Variants in ATG5 observed in about 807,000 individuals in gnomAD.
The protein encoded by ATG5 is autophagy protein 5.
A neutral mutation model predicts 36.5 loss-of-function variants in ATG5; 14 were observed. That is an observed-to-expected ratio of 0.38 (90% confidence interval 0.25 to 0.60). The LOEUF (loss-of-function observed/expected upper bound fraction) is 0.60. Ranked by LOEUF, ATG5 falls within the 20% of genes least tolerant of loss-of-function variation. The pLI, the probability that ATG5 is intolerant of heterozygous loss-of-function variation, is 0.60. For missense variants in ATG5, 195 were observed against 326.7 expected, an observed-to-expected ratio of 0.60 and a Z score of 3.11; for synonymous variants, 95 against 101.5, an observed-to-expected ratio of 0.94 and a Z score of 0.38.
chr6:106,259,520 G>A (rs1350185366), intron 5 of ATG5, among the ~76,000 whole-genome samples: 1 of 152,164 alleles, frequency 6.6e-6, no homozygotes, highest in Non-Finnish European at 1.5e-5. Flanking sequence ...AGAATGAGCT[G>A]TATTATAATT....
At chr6:106,201,354 T>C (rs980405474) in intron 7 of ATG5, among the ~76,000 whole-genome samples, 1 of 152,060 alleles carries the variant, frequency 6.6e-6, no homozygotes, top group African/African-American at 2.4e-5. Flanking sequence ...AGTTTTATTG[T>C]TTTCTGCATT....
chr6:106,186,750 G>A, intron 7 of ATG5, 74 bp from the exon 8 acceptor site: 2 of 1,522,940 alleles, frequency 1.3e-6, no homozygotes, highest in Non-Finnish European at 1.8e-6. Flanking sequence ...TGCCTTTTGA[G>A]AATCCTTAGT....
At chr6:106,251,713 AAGAAAGAAAGAGAAAG>A (rs1276727647) in intron 5 of ATG5, among the ~76,000 whole-genome samples, 3 of 136,508 alleles carry the variant, frequency 2.2e-5, no homozygotes, top group Non-Finnish European at 3.2e-5. Flanking sequence ...GAGAAAAAGA[AAGAAAGAAAGAGAAAG>A]AGAAAGAAAG....
chr6:106,308,305 T>C, intron 3 of ATG5, 59 bp downstream of exon 3: 8 of 1,405,800 alleles, frequency 5.7e-6, no homozygotes, highest in Non-Finnish European at 7.5e-6. Flanking sequence ...TTCAGGGCAC[T>C]ATACCTTTTT....
At chr6:106,262,173 A>C (rs773611405) in intron 5 of ATG5, among the ~76,000 whole-genome samples, 3 of 152,164 alleles carry the variant, frequency 2.0e-5, no homozygotes, top group Non-Finnish European at 4.4e-5. Flanking sequence ...CCCAGGTTCA[A>C]GTGATTCTCC....
At chr6:106,218,490 G>A (rs1343009738) in intron 6 of ATG5, among the ~76,000 whole-genome samples, 1 of 152,186 alleles carries the variant, frequency 6.6e-6, no homozygotes, top group African/African-American at 2.4e-5. Flanking sequence ...AGAAAGGCAT[G>A]TAGGTAAAAA....
chr6:106,279,694 C>G lies in ATG5; in HGVS notation c.445G>C (p.Asp149His), dbSNP rs1294150609. Residue 149 changes from aspartate (D) to histidine (H), a missense_variant, in exon 5 of 8, where the codon GAT (aspartate) becomes CAT (histidine). Physicochemically the swap from Asp to His is moderately conservative, Grantham distance 81 (BLOSUM62 -1). Coordinates refer to ENST00000369076, the MANE Select transcript of ATG5 (RefSeq NM_004849.4). ...SQVINEMQKK[D>H]HKQLWMGLQN... The stretch of plus-strand genomic sequence containing the variant: ...AATCCCATCCAGAGTTGCTTGTGAT[C>G]TTTTTTCTGCATTTCATTGATTACT... 2.5e-6 allele frequency: 4 copies of G among 1,601,996 alleles called. No individual in the cohort carries two copies. The highest frequency in any genetic ancestry group is 3.4e-6 in the Non-Finnish European group (4 of 1,174,952).
intron 7 of ATG5, among the ~76,000 whole-genome samples, chr6:106,193,248 C>T (rs971763822): frequency 2.6e-5 from 4 of 152,224 alleles, no homozygotes; most frequent in Middle Eastern, 3.4e-3. Context: ...TAACTTCTTC[C>T]GGATGCATAC....
intron 6 of ATG5, among the ~76,000 whole-genome samples, chr6:106,211,975 TTAAGTG>T (rs1490569828): frequency 6.6e-6 from 1 of 152,254 alleles, no homozygotes; most frequent in Non-Finnish European, 1.5e-5. Context: ...CAAGGGTTGC[TTAAGTG>T]TATCACAGGA....
intron 4 of ATG5, among the ~76,000 whole-genome samples, chr6:106,287,737 C>T (rs1034770823): frequency 7.2e-5 from 11 of 152,240 alleles, no homozygotes; most frequent in African/African-American, 2.6e-4. Flanking sequence ...CACATTAACT[C>T]CTTTTTTAAA....
At chr6:106,224,868 C>T (rs966149923) in intron 6 of ATG5, among the ~76,000 whole-genome samples, 11 of 152,096 alleles carry the variant, frequency 7.2e-5, no homozygotes, top group African/African-American at 2.4e-4. Flanking sequence ...GCAAAAAGAG[C>T]GAAACTCTTG....
intron 6 of ATG5, among the ~76,000 whole-genome samples, chr6:106,239,230 G>C (rs1187599644): frequency 2.0e-5 from 3 of 151,070 alleles, no homozygotes; most frequent in Non-Finnish European, 4.4e-5. Flanking sequence ...TAAATAACTA[G>C]AAATGGAAAC....
intron 6 of ATG5, among the ~76,000 whole-genome samples, chr6:106,210,148 T>G (rs535624294): frequency 3.3e-5 from 5 of 152,248 alleles, no homozygotes; most frequent in African/African-American, 7.2e-5. Flanking sequence ...ACAGTGACTC[T>G]CAACACAAAT....
At chr6:106,219,876 G>C (rs976197347) in intron 6 of ATG5, among the ~76,000 whole-genome samples, 1 of 152,018 alleles carries the variant, frequency 6.6e-6, no homozygotes, top group Non-Finnish European at 1.5e-5. Context: ...ACTCAAATAC[G>C]GTTTCCAAAT....
chr6:106,265,706 C>T (rs78549216), intron 5 of ATG5, among the ~76,000 whole-genome samples: 3,701 of 152,240 alleles, frequency 0.024, 65 homozygotes, highest in African/African-American at 0.049. Flanking sequence ...GAAACTAACT[C>T]AAAACTGTAC....
intron 4 of ATG5, among the ~76,000 whole-genome samples, chr6:106,287,473 A>G (rs1780124520): frequency 2.0e-5 from 3 of 152,212 alleles, no homozygotes; most frequent in Non-Finnish European, 4.4e-5. Context: ...ACTTATCTGA[A>G]TGTTGATCTT....
At chr6:106,278,995 G>A (rs1779770311) in intron 5 of ATG5, among the ~76,000 whole-genome samples, 1 of 152,150 alleles carries the variant, frequency 6.6e-6, no homozygotes, top group East Asian at 1.9e-4. Flanking sequence ...ATACAGTTGG[G>A]GACCTGGTGT....
intron 6 of ATG5, among the ~76,000 whole-genome samples, chr6:106,203,035 T>C (rs1397662398): frequency 6.6e-6 from 1 of 152,148 alleles, no homozygotes; most frequent in Non-Finnish European, 1.5e-5. Flanking sequence ...AGAATGTGTG[T>C]GTGTGTGAAG....
chr6:106,320,021 A>G (rs1281474745), intron 1 of ATG5, among the ~76,000 whole-genome samples: 2 of 152,286 alleles, frequency 1.3e-5, no homozygotes, highest in Non-Finnish European at 2.9e-5. Context: ...ATTACCTCAC[A>G]TGTGATACAC....
Sources: gnomAD v4.1 joint callset for allele counts (sites outside exome capture counted in the v4.1 genomes callset) on GRCh38, gnomAD v4.1.1 for gene constraint, MANE v1.5 for transcripts, NCBI Gene and HGNC (gene_info 2026-07-23, HGNC 2026-07-21) for gene names.